GALNT13: variants seen among roughly 807,000 people sequenced by gnomAD.
GALNT13 encodes the protein polypeptide N-acetylgalactosaminyltransferase 13.
Under a neutral mutation model 64.2 loss-of-function variants are expected in GALNT13, and 28 were observed. The observed-to-expected ratio is 0.44, with a 90% CI of 0.32 to 0.60. GALNT13 has a LOEUF of 0.60. Ranked by LOEUF, GALNT13 falls within the 20% of genes least tolerant of loss-of-function variation. GALNT13 has a pLI of 0.05. For missense variants in GALNT13, 577 were observed against 669.8 expected, an observed-to-expected ratio of 0.86 and a Z score of 1.53; for synonymous variants, 214 against 224.6, an observed-to-expected ratio of 0.95 and a Z score of 0.42.
At chr2:153,720,334 A>G in the GALNT13 span, among the ~76,000 whole-genome samples, 911 of 148,510 alleles carry the variant, frequency 6.1e-3, 14 homozygotes, top group African/African-American at 0.022. Flanking sequence ...CAAAGACCAA[A>G]AGTAGATAAA....
the GALNT13 span, among the ~76,000 whole-genome samples, chr2:153,373,830 G>A: frequency 6.6e-6 from 1 of 151,752 alleles, no homozygotes; most frequent in South Asian, 2.1e-4. Flanking sequence ...ATTAATCTAG[G>A]TACCTCAGAT....
At chr2:153,643,589 A>G in the GALNT13 span, among the ~76,000 whole-genome samples, 2 of 151,986 alleles carry the variant, frequency 1.3e-5, no homozygotes, top group East Asian at 1.9e-4. Flanking sequence ...CATACTATAA[A>G]AAAAAGTAAC....
chr2:153,411,133 A>C, the GALNT13 span, among the ~76,000 whole-genome samples: 3 of 150,824 alleles, frequency 2.0e-5, no homozygotes, highest in Non-Finnish European at 4.4e-5. Flanking sequence ...TGGTATTACA[A>C]GCGTGAGCCA....
intron 8 of GALNT13, 69 bp from the exon 9 acceptor site, chr2:154,301,340 C>T: frequency 1.2e-5 from 15 of 1,282,476 alleles, no homozygotes; most frequent in Non-Finnish European, 1.7e-5. Context: ...GAAGATTTGG[C>T]CTAAGCTTCA....
chr2:154,197,187 G>A, intron 4 of GALNT13, among the ~76,000 whole-genome samples: 1 of 151,956 alleles, frequency 6.6e-6, no homozygotes. Context: ...TTGCACTCCA[G>A]CCTGGGCAAC....
the GALNT13 span, among the ~76,000 whole-genome samples, chr2:153,658,298 C>T: frequency 1.8e-4 from 28 of 152,268 alleles, no homozygotes; most frequent in African/African-American, 6.5e-4. Context: ...GCCAGCATCA[C>T]ATCCCACTTC....
the GALNT13 span, among the ~76,000 whole-genome samples, chr2:153,383,230 G>A: frequency 6.6e-6 from 1 of 151,992 alleles, no homozygotes; most frequent in African/African-American, 2.4e-5. Context: ...CAATAAGATA[G>A]AAGAAAATTT....
At chr2:153,168,052 G>GATTTTTAGGT in the GALNT13 span, among the ~76,000 whole-genome samples, 1 of 152,174 alleles carries the variant, frequency 6.6e-6, no homozygotes, top group Non-Finnish European at 1.5e-5. Context: ...AGGACAGAGG[G>GATTTTTAGGT]ATTTTTAGGT....
At chr2:154,323,595 A>C (rs964560183) in intron 9 of GALNT13, among the ~76,000 whole-genome samples, 1 of 152,060 alleles carries the variant, frequency 6.6e-6, no homozygotes, top group Non-Finnish European at 1.5e-5. Context: ...TCTTTTTATC[A>C]TACAACTTTA....
chr2:154,287,452 G>A, intron 8 of GALNT13: 1 of 396,502 alleles, frequency 2.5e-6, no homozygotes, highest in South Asian at 2.3e-5. Context: ...CACCTCTGAG[G>A]GCCAACTAGG....
chr2:153,724,797 C>T, the GALNT13 span, among the ~76,000 whole-genome samples: 3 of 139,752 alleles, frequency 2.1e-5, no homozygotes, highest in Non-Finnish European at 4.5e-5. Context: ...ATTAAAAAGT[C>T]AGGAAACAAC....
chr2:153,819,945 C>A, the GALNT13 span, among the ~76,000 whole-genome samples: 1 of 152,052 alleles, frequency 6.6e-6, no homozygotes, highest in East Asian at 1.9e-4. Flanking sequence ...ATACAGAATT[C>A]AAAGCATGGA....
At chr2:153,935,562 T>C (rs537523273) in intron 2 of GALNT13, among the ~76,000 whole-genome samples, 14 of 152,332 alleles carry the variant, frequency 9.2e-5, no homozygotes, top group African/African-American at 3.1e-4. Context: ...GTTATGCAAG[T>C]TCCTGTGTTT....
the GALNT13 span, among the ~76,000 whole-genome samples, chr2:153,334,487 GC>G: frequency 6.6e-6 from 1 of 152,028 alleles, no homozygotes; most frequent in South Asian, 2.1e-4. Context: ...AAAGTTAAGG[GC>G]TTTTACTTAT....
chr2:154,305,408 C>T (rs894545987), intron 9 of GALNT13, among the ~76,000 whole-genome samples: 4 of 151,936 alleles, frequency 2.6e-5, no homozygotes, highest in African/African-American at 4.8e-5. Flanking sequence ...CACACACACG[C>T]GTATTTATGA....
rs532593299 is a variant in GALNT13 at position 154,453,297 on chromosome 2, C to A, written c.*2746C>A. ...TCTCCCTCCGGTGGCCTTCAAGGTCCTTTATGAGTGTTACCCCTCTACACG... is the reference window on the plus strand; with the variant it reads ...TCTCCCTCCGGTGGCCTTCAAGGTCATTTATGAGTGTTACCCCTCTACACG... On this transcript the variant is annotated 3_prime_UTR_variant, in exon 13 of 13. Coordinates refer to ENST00000392825, the MANE Select transcript of GALNT13 (RefSeq NM_052917.4). 1 of 151,976 alleles carries A rather than the reference C, an allele frequency of 6.6e-6. No individual in the cohort carries two copies. The highest frequency in any genetic ancestry group is 6.6e-5 in the Admixed American group (1 of 15,194). 9.4% of individuals were successfully genotyped at this position (151,976 alleles called of 1,614,324 possible).
chr2:154,257,761 T>C (rs1182158747), intron 7 of GALNT13: 1 of 152,168 alleles, frequency 6.6e-6, no homozygotes, highest in Non-Finnish European at 1.5e-5. Flanking sequence ...TGGTGGTTTT[T>C]CAATGAACAA....
rs547898423 is a variant in GALNT13 at position 153,942,298 on chromosome 2, C to T, written c.-104-2096C>T. Among the ~76,000 whole-genome samples the T allele has an allele frequency of 1.7e-4, 26 of 152,228 alleles. No homozygotes were observed. The South Asian group carries it at 5.2e-3, about 30-fold the overall frequency. The stretch of plus-strand genomic sequence containing the variant: ...ACAGAGCCAGGGATGGTGCTGTTTA[C>T]ATCTTCCAGGATCATTTATGTATAT... On this transcript the variant is annotated intron_variant, in intron 2 of 12. Coordinates refer to ENST00000392825, the MANE Select transcript of GALNT13 (RefSeq NM_052917.4).
chr2:153,453,856 A>G, the GALNT13 span, among the ~76,000 whole-genome samples: 12 of 152,196 alleles, frequency 7.9e-5, no homozygotes, highest in African/African-American at 2.9e-4. Flanking sequence ...ACAAAGACGT[A>G]GAACCAGAGT....
Sources: gnomAD v4.1 joint callset for allele counts (sites outside exome capture counted in the v4.1 genomes callset) on GRCh38, gnomAD v4.1.1 for gene constraint, MANE v1.5 for transcripts, NCBI Gene and HGNC (gene_info 2026-07-23, HGNC 2026-07-21) for gene names.